Variants in C9orf57 observed in about 807,000 individuals in gnomAD.
The protein encoded by C9orf57 is chromosome 9 open reading frame 57, also known as uncharacterized protein C9orf57.
Under a neutral mutation model 12.9 loss-of-function variants are expected in C9orf57, and 12 were observed. That is an observed-to-expected ratio of 0.93 (90% CI 0.60 to 1.51). C9orf57 has a LOEUF of 1.51. Ranked by LOEUF, C9orf57 falls within the 40% of genes most tolerant of loss-of-function variation. The probability of loss-of-function intolerance (pLI) is 0.00; values close to 1 mark genes in which losing one functional copy is unlikely to be tolerated. For missense variants in C9orf57, 141 were observed against 162.8 expected (o/e 0.87, Z 0.73); for synonymous variants, 49 against 57.1 (o/e 0.86, Z 0.64).
intron 1 of C9orf57, among the ~76,000 whole-genome samples, chr9:72,059,919 T>C (rs962664498): frequency 2.0e-5 from 3 of 152,248 alleles, no homozygotes; most frequent in African/African-American, 7.2e-5. Context: ...CTCAGAATTA[T>C]AATGGTTTCA....
chr9:72,059,490 G>T lies in C9orf57; in HGVS notation c.-53-106C>A, dbSNP rs190652785. The T allele has an allele frequency of 1.3e-4, 172 of 1,314,100 alleles. No individual in the cohort carries two copies. In the East Asian group the frequency reaches 3.3e-3, roughly 25 times the overall value. The allele number at this position is 1,314,100 out of a possible 1,614,324, so 81.4% of individuals were successfully genotyped here. A position where few individuals can be genotyped will look rare whatever the true frequency, so the allele number is the denominator to read the frequency against. On this transcript the variant is annotated intron_variant, in intron 1 of 4. Coordinates refer to ENST00000651200, the MANE Select transcript of C9orf57 (RefSeq NM_001128618.2). The stretch of plus-strand genomic sequence containing the variant: ...AAGACAATATAAATAAGTTTATTTT[G>T]TGAAGGAGGAAAAATAAGGTACCTG...
At chr9:72,056,916 T>TG (rs955492452) in intron 2 of C9orf57, 73 bp from the exon 3 acceptor site, 48 of 1,302,644 alleles carry the variant, frequency 3.7e-5, no homozygotes, top group Non-Finnish European at 4.9e-5. Context: ...TGTATACTTT[T>TG]TTTTTTTTTT....
chr9:72,056,269 T>G, intron 3 of C9orf57, 73 bp from the exon 4 acceptor site: 1 of 1,212,286 alleles, frequency 8.2e-7, no homozygotes. Context: ...GGAAGAGAGA[T>G]CAAAAAAATA....
chr9:72,060,060 A>G (rs922220007), intron 1 of C9orf57, among the ~76,000 whole-genome samples: 1 of 151,944 alleles, frequency 6.6e-6, no homozygotes, highest in African/African-American at 2.4e-5. Flanking sequence ...TATTATTATT[A>G]TTTTTGAGAT....
At position 72,059,355 on chromosome 9, in the gene C9orf57, G is replaced by C; in HGVS notation, c.-24C>G. On this transcript the variant is annotated 5_prime_UTR_variant, in exon 2 of 5. In the 5' UTR this introduces an upstream ATG that the reference lacks. Transcript: ENST00000651200. ...ATTCTGATTTCCAAGCCGAAAAGGA[G>C]ATGAAAGGAAAGACACGTCCCACTG... 1.3e-6 allele frequency: 2 copies of C among 1,551,564 alleles called. No individual in the cohort carries two copies. Among genetic ancestry groups the C allele is most frequent in the Non-Finnish European group, 1.7e-6 (2 of 1,147,050 alleles).
At chr9:72,057,046 TG>T (rs1269178000) in intron 2 of C9orf57, among the ~76,000 whole-genome samples, 5 of 151,030 alleles carry the variant, frequency 3.3e-5, no homozygotes, top group African/African-American at 9.7e-5. Context: ...CCCAAGTAGC[TG>T]GGACTACAGG....
At chr9:72,057,574 A>C (rs113076754) in intron 2 of C9orf57, among the ~76,000 whole-genome samples, 8 of 152,276 alleles carry the variant, frequency 5.3e-5, no homozygotes, top group African/African-American at 1.7e-4. Context: ...TTCGAAGCGT[A>C]TGCTGTATTT....
chr9:72,059,363 G>C lies in C9orf57; in HGVS notation c.-32C>G, dbSNP rs1246879225. 3.9e-6 allele frequency: 6 copies of C among 1,545,584 alleles called. No individual in the cohort carries two copies. In the African/African-American group the frequency reaches 8.9e-5, roughly 23 times the overall value. ...TTCCAAGCCGAAAAGGAGATGAAAGGAAAGACACGTCCCACTGATTTCTGG... is the reference window on the plus strand; with the variant it reads ...TTCCAAGCCGAAAAGGAGATGAAAGCAAAGACACGTCCCACTGATTTCTGG... On this transcript the variant is annotated 5_prime_UTR_variant, in exon 2 of 5. Coordinates refer to ENST00000651200, the MANE Select transcript of C9orf57 (RefSeq NM_001128618.2).
rs368988745 is a variant in C9orf57, at chr9:72,052,296, TC to T, written c.419del (p.Ter140=). ...AGCATTTTAGATATGGGCCACTGACTCAGAAATTGCACAAAGAATGATTGCA... is the reference window on the plus strand; with the variant it reads ...AGCATTTTAGATATGGGCCACTGACTAGAAATTGCACAAAGAATGATTGCA... ...HCCNHSLCNF[*>X] is the part of the protein sequence containing the mutation. On this transcript the variant is annotated frameshift_variant and stop_lost, in exon 5 of 5. Transcript: ENST00000651200. LOFTEE classifies it high-confidence loss of function. 2.5e-4 allele frequency: 388 copies of T among 1,551,600 alleles called. 2 individuals are homozygous for T. The African/African-American group carries it at 4.9e-3, about 20-fold the overall frequency.
chr9:72,057,715 T>C (rs1021783879), intron 2 of C9orf57, among the ~76,000 whole-genome samples: 1 of 152,182 alleles, frequency 6.6e-6, no homozygotes, highest in Non-Finnish European at 1.5e-5. Context: ...TACCAGAAAA[T>C]TTAATTTCAG....
intron 4 of C9orf57, among the ~76,000 whole-genome samples, chr9:72,053,959 T>C (rs1184494795): frequency 6.6e-6 from 1 of 152,232 alleles, no homozygotes; most frequent in Non-Finnish European, 1.5e-5. Context: ...TGTAACACAG[T>C]TGAATGAATA....
At chr9:72,055,110 T>G (rs10120139) in intron 4 of C9orf57, among the ~76,000 whole-genome samples, 1 of 105,218 alleles carries the variant, frequency 9.5e-6, no homozygotes, top group African/African-American at 2.7e-5. Flanking sequence ...ATATATATAT[T>G]TTTTTTTGTA....
intron 4 of C9orf57, 129 bp from the exon 5 acceptor site, chr9:72,052,564 C>T (rs917147527): frequency 4.8e-6 from 4 of 831,332 alleles, no homozygotes; most frequent in East Asian, 5.5e-5. Flanking sequence ...AGCATTTCCA[C>T]CATTAAGAAT....
intron 2 of C9orf57, among the ~76,000 whole-genome samples, chr9:72,058,861 A>C (rs936916207): frequency 9.9e-5 from 15 of 152,090 alleles, no homozygotes; most frequent in Admixed American, 2.0e-4. Context: ...CTTTCCATTC[A>C]TAATCAATGA....
Position 72,056,154 on chromosome 9 carries a change from GGCAGTGAAAGATTGCAT to G in C9orf57, c.183_199del (p.Cys62LeufsTer20). ...CAGGTCTAAAAGACATCCATGGAAG[GGCAGTGAAAGATTGCAT>G]GCTCTGCAAATCAAACCTCCAACAT... is the stretch of plus-strand genomic sequence containing the variant. On this transcript the variant is annotated frameshift_variant, in exon 4 of 5. Transcript: ENST00000651200. LOFTEE classifies it high-confidence loss of function. 6.4e-7 allele frequency: 1 copy of G among 1,550,720 alleles called. No individual in the cohort carries two copies. The highest frequency in any genetic ancestry group is 8.7e-7 in the Non-Finnish European group (1 of 1,146,422).
rs957073556 is a variant in C9orf57 at position 72,051,756 on chromosome 9, G to A, written c.*540C>T. 2.0e-5 allele frequency: 3 copies of A among 152,436 alleles called. No individual in the cohort carries two copies. The highest frequency in any genetic ancestry group is 7.2e-5 in the African/African-American group (3 of 41,428). 9.4% of individuals were successfully genotyped at this position (152,436 alleles called of 1,614,324 possible). The stretch of plus-strand genomic sequence containing the variant: ...CCTGCCTCAGCCCTTTCCTGTTTGG[G>A]TTCATACTTTTCCCGCAGGCCTGGC... On this transcript the variant is annotated 3_prime_UTR_variant, in exon 5 of 5. Coordinates refer to ENST00000651200, the MANE Select transcript of C9orf57 (RefSeq NM_001128618.2).
intron 4 of C9orf57, among the ~76,000 whole-genome samples, chr9:72,053,600 A>G (rs1824125492): frequency 6.6e-6 from 1 of 152,160 alleles, no homozygotes; most frequent in Non-Finnish European, 1.5e-5. Context: ...TCCATAAAGA[A>G]GGGGCTGTGA....
In C9orf57 at chr9:72,060,603, A is replaced by T. The variant is rs1445234360; in HGVS notation, c.-160T>A. ...TGTGATGAAGTCCGTTACAACTGAA[A>T]GCGACACTCTGATCCACTAGATTCC... On this transcript the variant is annotated 5_prime_UTR_variant, in exon 1 of 5. Coordinates refer to ENST00000651200, the MANE Select transcript of C9orf57 (RefSeq NM_001128618.2). 1 of 1,510,078 alleles carries T rather than the reference A, an allele frequency of 6.6e-7. No individual in the cohort carries two copies. The highest frequency in any genetic ancestry group is 2.5e-5 in the East Asian group (1 of 40,458). 93.5% of individuals were successfully genotyped at this position (1,510,078 alleles called of 1,614,324 possible).
intron 3 of C9orf57, 67 bp from the exon 4 acceptor site, chr9:72,056,263 G>A: frequency 3.0e-6 from 4 of 1,331,040 alleles, no homozygotes; most frequent in Admixed American, 5.2e-5. Context: ...GAGGAAGGAA[G>A]AGAGATCAAA....
Sources: allele counts gnomAD v4.1 joint callset (sites outside exome capture counted in the v4.1 genomes callset), GRCh38; gene constraint gnomAD v4.1.1; transcripts MANE v1.5; gene names NCBI Gene and HGNC (gene_info 2026-07-23, HGNC 2026-07-21).